IMMP2L: variants seen among roughly 807,000 people sequenced by gnomAD.
The protein encoded by IMMP2L is mitochondrial inner membrane protease subunit 2.
In IMMP2L, 18 loss-of-function variants were observed where a neutral mutation model predicts 19.3. That is an observed-to-expected ratio of 0.93 (90% CI 0.64 to 1.38). IMMP2L has a LOEUF of 1.38. IMMP2L is among the 40% of genes most tolerant of loss of function. The probability of loss-of-function intolerance (pLI) is 0.00; values close to 1 mark genes in which losing one functional copy is unlikely to be tolerated. For missense variants in IMMP2L, 233 were observed against 218.2 expected (o/e 1.07, Z -0.43); for synonymous variants, 76 against 73.0 (o/e 1.04, Z -0.21).
chr7:110,864,913 G>A lies in IMMP2L; in HGVS notation c.408+21680C>T, dbSNP rs141727379. On this transcript the variant is annotated intron_variant, in intron 5 of 5. Coordinates refer to ENST00000405709, the MANE Select transcript of IMMP2L (RefSeq NM_032549.4). ...TCTCTTCAGTTTAACAATCCCATGT[G>A]CTGTGATCCATTGACTACATCCTTC... Among the ~76,000 whole-genome samples the A allele has an allele frequency of 9.4e-3, 1,429 of 151,992 alleles. 18 individuals carry two copies. The highest frequency in any genetic ancestry group is 0.032 in the African/African-American group (1,317 of 41,472).
intron 3 of IMMP2L, among the ~76,000 whole-genome samples, chr7:111,199,417 A>G (rs1809863728): frequency 6.6e-6 from 1 of 152,132 alleles, no homozygotes; most frequent in Non-Finnish European, 1.5e-5. Flanking sequence ...GTAAAATAGC[A>G]TCAAATATGA....
intron 3 of IMMP2L, among the ~76,000 whole-genome samples, chr7:111,402,610 C>T (rs1305578214): frequency 6.6e-6 from 1 of 151,928 alleles, no homozygotes; most frequent in African/African-American, 2.4e-5. Context: ...ACTCGAGAGG[C>T]TAAGGCAGGA....
At chr7:111,526,600 GC>G (rs1357659807) in intron 1 of IMMP2L, among the ~76,000 whole-genome samples, 1 of 152,146 alleles carries the variant, frequency 6.6e-6, no homozygotes, top group Non-Finnish European at 1.5e-5. Context: ...AATCTCTGCT[GC>G]TCTAAGTAGT....
intron 3 of IMMP2L, chr7:111,122,520 A>G (rs998590630): frequency 2.2e-6 from 1 of 453,018 alleles, no homozygotes; most frequent in African/African-American, 2.0e-5. Flanking sequence ...TACATACTCC[A>G]CCTTCAAAAA....
chr7:111,110,351 A>G (rs548313239), intron 3 of IMMP2L, among the ~76,000 whole-genome samples: 25 of 152,304 alleles, frequency 1.6e-4, no homozygotes, highest in African/African-American at 6.0e-4. Flanking sequence ...CATTATTATG[A>G]CAAAGTTTAA....
Position 110,664,906 on chromosome 7 carries a change from A to G in IMMP2L, c.409-1185T>C, listed in dbSNP as rs1260243188. ...ACATTCCTTTCACTGAAGCTCTTCT[A>G]TTTGCTATCACATGAATTCAGGAAA... On this transcript the variant is annotated intron_variant, in intron 5 of 5. Transcript: ENST00000405709. The G allele has an allele frequency of 2.6e-5, 4 of 152,162 alleles. No homozygotes were observed. In the East Asian group the frequency reaches 7.7e-4, roughly 29 times the overall value. The allele number at this position is 152,162 out of a possible 1,614,324, so 9.4% of individuals were successfully genotyped here.
intron 3 of IMMP2L, among the ~76,000 whole-genome samples, chr7:111,073,886 T>C (rs1586095332): frequency 6.6e-6 from 1 of 152,302 alleles, no homozygotes; most frequent in South Asian, 2.1e-4. Context: ...ATTTGAGAAA[T>C]GTTGTATTTG....
rs527828000 is a variant in IMMP2L, at chr7:110,952,457, G to C, written c.305+11043C>G. Among the ~76,000 whole-genome samples the C allele has an allele frequency of 1.2e-4, 18 of 152,254 alleles. No homozygotes were observed. In the South Asian group the frequency reaches 3.5e-3, roughly 30 times the overall value. ...ACACAAATGCACTAACCAGCTCCAA[G>C]TGTGATCTGCTTCCTGCTAGGAAAC... On this transcript the variant is annotated intron_variant, in intron 4 of 5. Transcript: ENST00000405709.
intron 5 of IMMP2L, among the ~76,000 whole-genome samples, chr7:110,734,065 T>C (rs1314370208): frequency 6.6e-6 from 1 of 152,130 alleles, no homozygotes; most frequent in African/African-American, 2.4e-5. Context: ...CTGCAGCAAA[T>C]ACCTAAAAAT....
intron 3 of IMMP2L, among the ~76,000 whole-genome samples, chr7:110,970,313 G>A (rs979838223): frequency 4.6e-5 from 7 of 151,998 alleles, no homozygotes; most frequent in Non-Finnish European, 8.8e-5. Flanking sequence ...ACAGAATAGT[G>A]CAATCTTCAA....
chr7:110,714,059 G>C (rs1281766361), intron 5 of IMMP2L, among the ~76,000 whole-genome samples: 9 of 152,100 alleles, frequency 5.9e-5, no homozygotes, highest in Admixed American at 5.9e-4. Flanking sequence ...TGCTGTCTGT[G>C]GGTCTGTCAT....
chr7:111,521,217 G>A, intron 2 of IMMP2L, 96 bp downstream of exon 2: 1 of 1,317,740 alleles, frequency 7.6e-7, no homozygotes, highest in Admixed American at 2.3e-5. Context: ...TAACCTTTCA[G>A]TTCCCAGAAT....
chr7:110,802,213 T>C (rs1801300519), intron 5 of IMMP2L, among the ~76,000 whole-genome samples: 1 of 152,072 alleles, frequency 6.6e-6, no homozygotes, highest in African/African-American at 2.4e-5. Context: ...CTTACATTAT[T>C]AAAAATCCTC....
At chr7:111,349,780 C>A (rs1044233644) in intron 3 of IMMP2L, among the ~76,000 whole-genome samples, 2 of 152,172 alleles carry the variant, frequency 1.3e-5, no homozygotes, top group African/African-American at 2.4e-5. Context: ...AGGGCCAAAT[C>A]ATGAGGCCCA....
chr7:111,062,918 G>C (rs1794151117), intron 3 of IMMP2L, among the ~76,000 whole-genome samples: 1 of 152,218 alleles, frequency 6.6e-6, no homozygotes, highest in African/African-American at 2.4e-5. Flanking sequence ...GGCTGGAATT[G>C]AGTGACTGCG....
At chr7:110,959,240 G>C (rs1818680066) in intron 4 of IMMP2L, among the ~76,000 whole-genome samples, 1 of 151,838 alleles carries the variant, frequency 6.6e-6, no homozygotes, top group Non-Finnish European at 1.5e-5. Context: ...CTATATTTTA[G>C]TTTAGCTTAC....
intron 2 of IMMP2L, among the ~76,000 whole-genome samples, chr7:111,506,182 G>A (rs1435687366): frequency 2.0e-5 from 3 of 150,388 alleles, no homozygotes; most frequent in Non-Finnish European, 3.0e-5. Flanking sequence ...AACAGAGCAA[G>A]ACCCTGTCTC....
chr7:111,559,426 T>C (rs2133189540), intron 1 of IMMP2L, among the ~76,000 whole-genome samples: 1 of 152,318 alleles, frequency 6.6e-6, no homozygotes, highest in East Asian at 1.9e-4. Flanking sequence ...TATGTCTTTC[T>C]CACTTTAAGA....
chr7:111,519,267 G>A (rs1044858214), intron 2 of IMMP2L, among the ~76,000 whole-genome samples: 34 of 152,082 alleles, frequency 2.2e-4, no homozygotes, highest in South Asian at 2.1e-4. Context: ...TAAAAAAGAC[G>A]GAGCACTCCA....
Sources: allele counts gnomAD v4.1 joint callset (sites outside exome capture counted in the v4.1 genomes callset), GRCh38; gene constraint gnomAD v4.1.1; transcripts MANE v1.5; gene names NCBI Gene and HGNC (gene_info 2026-07-23, HGNC 2026-07-21).